MAPK10: variants seen among roughly 807,000 people sequenced by gnomAD.
MAPK10 encodes the protein mitogen-activated protein kinase 10.
In MAPK10, 25 loss-of-function variants were observed where a neutral mutation model predicts 59.3. The observed-to-expected ratio is 0.42, with a 90% CI of 0.31 to 0.59. The LOEUF (loss-of-function observed/expected upper bound fraction) is 0.59, where lower values mean the gene tolerates loss of function less well. Ranked by LOEUF, MAPK10 falls within the 20% of genes least tolerant of loss-of-function variation. The probability of loss-of-function intolerance (pLI) is 0.15; values close to 1 mark genes in which losing one functional copy is unlikely to be tolerated. For missense variants in MAPK10, 351 were observed against 568.9 expected (o/e 0.62, Z 3.90); for synonymous variants, 190 against 200.5 (o/e 0.95, Z 0.44).
chr4:86,323,041 G>A lies in MAPK10; in HGVS notation c.-7+31489C>T, dbSNP rs1236281858. Among the ~76,000 whole-genome samples, 3 of 152,112 alleles carry A rather than the reference G, an allele frequency of 2.0e-5. No homozygotes were observed. In the East Asian group the frequency reaches 5.8e-4, roughly 29 times the overall value. ...AATACAAAAATTAACTGGGTGTGGT[G>A]GCATGCGCCTATAGTCCCAGCTACT... On this transcript the variant is annotated intron_variant, in intron 2 of 13. Coordinates refer to ENST00000641462, the MANE Select transcript of MAPK10 (RefSeq NM_138982.4).
chr4:86,129,796 T>C (rs1334890755), intron 4 of MAPK10, among the ~76,000 whole-genome samples: 1 of 152,092 alleles, frequency 6.6e-6, no homozygotes, highest in Non-Finnish European at 1.5e-5. Context: ...TGTGCTCAGT[T>C]TGGGAACATG....
intron 1 of MAPK10, among the ~76,000 whole-genome samples, chr4:86,568,627 C>T (rs1224896731): frequency 3.9e-5 from 6 of 151,924 alleles, no homozygotes; most frequent in African/African-American, 9.7e-5. Context: ...ATAGAGAACC[C>T]GGAAATAAAG....
At chr4:86,431,726 A>G (rs917176253) in intron 1 of MAPK10, among the ~76,000 whole-genome samples, 4 of 152,226 alleles carry the variant, frequency 2.6e-5, no homozygotes, top group Admixed American at 6.5e-5. Context: ...ATTTATGCTG[A>G]GCAGGATGGC....
At chr4:86,475,374 C>T (rs566838402) in intron 1 of MAPK10, among the ~76,000 whole-genome samples, 15 of 152,258 alleles carry the variant, frequency 9.9e-5, no homozygotes, top group African/African-American at 2.2e-4. Context: ...ATTTTAAATC[C>T]GGTAAGTGGC....
chr4:86,218,407 C>T lies in MAPK10; in HGVS notation c.-6-24000G>A, dbSNP rs531484533. On this transcript the variant is annotated intron_variant, in intron 2 of 13. Transcript: ENST00000641462. ...GTGTTAGCCAGGATGGTGATCCGCA[C>T]GCCTTGGCCTCCCAAAGTGCTGGGA... is the stretch of plus-strand genomic sequence containing the variant. Among the ~76,000 whole-genome samples, 15 of 152,122 alleles carry T rather than the reference C, an allele frequency of 9.9e-5. No individual in the cohort carries two copies. In the East Asian group the frequency reaches 2.3e-3, roughly 24 times the overall value.
chr4:86,297,190 T>C (rs1342180136), intron 2 of MAPK10, among the ~76,000 whole-genome samples: 5 of 152,230 alleles, frequency 3.3e-5, no homozygotes, highest in African/African-American at 1.2e-4. Context: ...ATTAATTGAA[T>C]GTTGTTAATT....
At position 86,567,472 on chromosome 4, in the gene MAPK10, G is replaced by A. The variant is rs556249801; in HGVS notation, c.-263+26438C>T. Among the ~76,000 whole-genome samples, 27 of 152,196 alleles carry A rather than the reference G, an allele frequency of 1.8e-4. No homozygotes were observed. The South Asian group carries it at 5.6e-3, about 32-fold the overall frequency. On this transcript the variant is annotated intron_variant, in intron 1 of 4. Coordinates refer to the MAPK10 transcript ENST00000502302. ...TAACCTCAGGTGATCCACCCGCCTCGGCCTCCCAAAGTGCTGGGATTACAG... is the reference window on the plus strand; with the variant it reads ...TAACCTCAGGTGATCCACCCGCCTCAGCCTCCCAAAGTGCTGGGATTACAG...
upstream of MAPK10, among the ~76,000 whole-genome samples, chr4:86,360,685 G>A (rs563864507): frequency 6.6e-6 from 1 of 151,842 alleles, no homozygotes; most frequent in Non-Finnish European, 1.5e-5. Context: ...TTTAATTGCA[G>A]ATAATTTTCT....
chr4:86,395,363 C>T (rs1742771551), intron 1 of MAPK10, among the ~76,000 whole-genome samples: 1 of 152,118 alleles, frequency 6.6e-6, no homozygotes, highest in Admixed American at 6.6e-5. Flanking sequence ...TTTTAGCTAG[C>T]CATTTTGATT....
At chr4:86,136,630 C>T (rs1001019473) in intron 4 of MAPK10, among the ~76,000 whole-genome samples, 13 of 150,066 alleles carry the variant, frequency 8.7e-5, no homozygotes, top group Non-Finnish European at 1.0e-4. Context: ...CATCAACTAA[C>T]GAGCAAAATC....
At chr4:86,150,582 C>T (rs2066162173) in intron 4 of MAPK10, among the ~76,000 whole-genome samples, 1 of 152,130 alleles carries the variant, frequency 6.6e-6, no homozygotes, top group Non-Finnish European at 1.5e-5. Context: ...AACTGCTTGG[C>T]CAGGCGCGGT....
intron 2 of MAPK10, among the ~76,000 whole-genome samples, chr4:86,246,441 GCAA>G (rs1206619355): frequency 3.3e-5 from 5 of 152,110 alleles, no homozygotes; most frequent in Middle Eastern, 6.8e-3. Context: ...AACAACAACA[GCAA>G]CAACAACAAC....
Position 86,055,638 on chromosome 4 carries a change from C to T in MAPK10, c.1110+8628G>A, listed in dbSNP as rs147944738. On this transcript the variant is annotated intron_variant, in intron 11 of 13. Transcript: ENST00000641462. ...CCAAGGTCATATTCAGTGTGATAGG[C>T]ACTGCAGATCTTTTCTATTAATAAA... Among the ~76,000 whole-genome samples the T allele has an allele frequency of 5.3e-4, 79 of 149,904 alleles. 3 individuals are homozygous for T. Among genetic ancestry groups the T allele is most frequent in the African/African-American group, 1.9e-3 (76 of 40,104 alleles).
chr4:86,028,248 C>A (rs1264038287), intron 13 of MAPK10: 2 of 152,134 alleles, frequency 1.3e-5, no homozygotes, highest in African/African-American at 4.8e-5. Flanking sequence ...AAAACAACTC[C>A]TGTGATTCCC....
intron 2 of MAPK10, among the ~76,000 whole-genome samples, chr4:86,221,579 C>T (rs534934055): frequency 6.6e-6 from 1 of 152,198 alleles, no homozygotes; most frequent in South Asian, 2.1e-4. Context: ...CTCGACCTCC[C>T]AGACTCAAGC....
intron 1 of MAPK10, among the ~76,000 whole-genome samples, chr4:86,465,790 G>GT (rs1752148376): frequency 6.6e-6 from 1 of 152,158 alleles, no homozygotes; most frequent in African/African-American, 2.4e-5. Flanking sequence ...GGACCCCCCA[G>GT]TTACAGCCAT....
chr4:86,451,839 G>A (rs1373231021), intron 1 of MAPK10, among the ~76,000 whole-genome samples: 1 of 152,136 alleles, frequency 6.6e-6, no homozygotes, highest in Non-Finnish European at 1.5e-5. Context: ...TCCAAAGCAG[G>A]ATCTGAGAGA....
chr4:86,187,542 G>A (rs1437645683), intron 3 of MAPK10, among the ~76,000 whole-genome samples: 2 of 152,110 alleles, frequency 1.3e-5, no homozygotes, highest in African/African-American at 4.8e-5. Flanking sequence ...GACTGAAACT[G>A]TGGAAACCGA....
intron 9 of MAPK10, among the ~76,000 whole-genome samples, chr4:86,094,147 A>C (rs992135654): frequency 2.6e-5 from 4 of 152,140 alleles, no homozygotes; most frequent in Middle Eastern, 3.4e-3. Flanking sequence ...ACAATCTGTA[A>C]CCACAAATTT....
Sources: gnomAD v4.1 joint callset for allele counts (sites outside exome capture counted in the v4.1 genomes callset) on GRCh38, gnomAD v4.1.1 for gene constraint, MANE v1.5 for transcripts, NCBI Gene and HGNC (gene_info 2026-07-23, HGNC 2026-07-21) for gene names.